NID2: variants seen among roughly 807,000 people sequenced by gnomAD.
NID2 encodes nidogen 2.
NID2 carries 83 observed loss-of-function variants against 145.4 expected under a neutral mutation model. That is an observed-to-expected ratio of 0.57 (90% CI 0.48 to 0.69). NID2 has a LOEUF of 0.69. Among genes scored for constraint, NID2 ranks in the 30% least tolerant of loss-of-function variants. NID2 has a pLI of 0.00. For missense variants in NID2, 1,807 were observed against 1,765.7 expected (o/e 1.02, Z -0.42); for synonymous variants, 739 against 701.3 (o/e 1.05, Z -0.85).
At position 52,038,661 on chromosome 14, in the gene NID2, G is replaced by A. The variant is rs113449048; in HGVS notation, c.2257+86C>T. Reference sequence around the variant, plus strand: ...TAGCACATAACACAGCATGGCACTAGGTAACCCTTAGTAACCTCTGTGAAT... The same window carrying A: ...TAGCACATAACACAGCATGGCACTAAGTAACCCTTAGTAACCTCTGTGAAT... On this transcript the variant is annotated intron_variant, in intron 9 of 21. Transcript: ENST00000216286. The A allele has an allele frequency of 2.0e-4, 211 of 1,073,514 alleles. 2 individuals carry two copies. In the African/African-American group the frequency reaches 2.7e-3, roughly 14 times the overall value. 66.5% of individuals were successfully genotyped at this position (1,073,514 alleles called of 1,614,324 possible). A position where few individuals can be genotyped will look rare whatever the true frequency, so the allele number is the denominator to read the frequency against.
At chr14:52,031,849 C>T (rs919745286) in intron 9 of NID2, among the ~76,000 whole-genome samples, 6 of 152,224 alleles carry the variant, frequency 3.9e-5, no homozygotes, top group Non-Finnish European at 7.3e-5. Context: ...GAGGACATGA[C>T]CCTGTTGTTC....
At chr14:52,029,457 A>C in intron 10 of NID2, 90 bp downstream of exon 10, 1 of 1,252,484 alleles carries the variant, frequency 8.0e-7, no homozygotes, top group Non-Finnish European at 1.1e-6. Context: ...TGTAAAGGTG[A>C]CAGATACTTG....
In NID2 at chr14:52,017,091, G is replaced by T. The variant is rs149554881; in HGVS notation, c.3029-1816C>A. 3.7e-4 allele frequency among the ~76,000 whole-genome samples: 56 copies of T among 152,226 alleles called. No homozygotes were observed. In the East Asian group the frequency reaches 9.6e-3, roughly 26 times the overall value. On this transcript the variant is annotated intron_variant, in intron 14 of 21. Transcript: ENST00000216286. ...AAATGCTACTTCCTCAAACACTGCA[G>T]GATTTCCTGGAGAAGTTCCCAATTC...
chr14:52,051,555 C>A (rs938244510), intron 5 of NID2, among the ~76,000 whole-genome samples: 20 of 152,182 alleles, frequency 1.3e-4, no homozygotes, highest in Admixed American at 1.1e-3. Flanking sequence ...TGTGTCTCTG[C>A]CACTCCCACC....
In NID2 at chr14:52,006,657, G is replaced by A. The variant is rs1890797122; in HGVS notation, c.3884C>T (p.Thr1295Ile). 2.5e-6 allele frequency: 4 copies of A among 1,613,066 alleles called. No individual in the cohort carries two copies. Among genetic ancestry groups the A allele is most frequent in the East Asian group, 2.2e-5 (1 of 44,874 alleles). Residue 1295 changes from threonine to isoleucine, a missense_variant, in exon 20 of 22, where the codon ACC becomes ATC. Thr to Ile is a moderately conservative substitution (Grantham distance 89, BLOSUM62 -1). Coordinates refer to ENST00000216286, the MANE Select transcript of NID2 (RefSeq NM_007361.4). ...SKLLCWADAG[T>I]KKLECTLPDG... ...AGGTAGTGTACACTCCAGTTTTTTGGTTCCTTTTAAAACAAAGGGGGAAAA... is the reference window on the plus strand; with the variant it reads ...AGGTAGTGTACACTCCAGTTTTTTGATTCCTTTTAAAACAAAGGGGGAAAA...
At position 52,040,832 on chromosome 14, in the gene NID2, G is replaced by A; in HGVS notation, c.1845C>T (p.Asp615=). 2 of 1,614,154 alleles carry A rather than the reference G, an allele frequency of 1.2e-6. No individual in the cohort carries two copies. The highest frequency in any genetic ancestry group is 1.7e-6 in the Non-Finnish European group (2 of 1,180,018). The change falls in exon 8 of 22, where the codon GAC becomes GAT. Residue 615 remains aspartate (D), a synonymous_variant. Coordinates refer to ENST00000216286, the MANE Select transcript of NID2 (RefSeq NM_007361.4). ...CTCCCGGGTAGAATGTAACTTCCAT[G>A]TCATGGGTAAAGGCAGCACCTGGAG... ...FSLAGAAFTH[D]MEVTFYPGEE...
chr14:52,014,784 C>T (rs962363193), intron 15 of NID2, among the ~76,000 whole-genome samples: 14 of 151,860 alleles, frequency 9.2e-5, no homozygotes, highest in African/African-American at 3.4e-4. Context: ...GACACGTGTC[C>T]CCTGTCACCC....
At chr14:52,015,319 G>A in intron 14 of NID2, 44 bp from the exon 15 acceptor site, 1 of 1,553,952 alleles carries the variant, frequency 6.4e-7, no homozygotes, top group Non-Finnish European at 8.8e-7. Flanking sequence ...CTTTGATTGT[G>A]AGTCAAGGAC....
chr14:52,008,054 CCT>C, intron 18 of NID2, 87 bp from the exon 19 acceptor site: 1 of 1,075,252 alleles, frequency 9.3e-7, no homozygotes, highest in Non-Finnish European at 1.4e-6. Context: ...ATCTCCATCT[CCT>C]CATGTATTAT....
chr14:52,010,700 C>G (rs1182063924), intron 18 of NID2, 176 bp downstream of exon 18: 1 of 590,330 alleles, frequency 1.7e-6, no homozygotes, highest in Non-Finnish European at 3.0e-6. Context: ...AAGAACAGAC[C>G]TTGTCTTTTC....
At chr14:52,055,219 C>T (rs1349772829) in intron 3 of NID2, among the ~76,000 whole-genome samples, 1 of 152,122 alleles carries the variant, frequency 6.6e-6, no homozygotes, top group Non-Finnish European at 1.5e-5. Flanking sequence ...CAATTGGATC[C>T]GAATTCAGTT....
chr14:52,013,041 A>G (rs1469180517), intron 16 of NID2, among the ~76,000 whole-genome samples: 2 of 152,250 alleles, frequency 1.3e-5, no homozygotes, highest in Non-Finnish European at 2.9e-5. Flanking sequence ...TTATTTGAAA[A>G]TTGAAAAGTC....
In NID2 at chr14:52,006,639, G is replaced by A. The variant is rs978348227; in HGVS notation, c.3902C>T (p.Thr1301Ile). 3 of 1,613,628 alleles carry A rather than the reference G, an allele frequency of 1.9e-6. No individual in the cohort carries two copies. In the South Asian group the frequency reaches 3.3e-5, roughly 18 times the overall value. Residue 1301 changes from threonine (T) to isoleucine (I), a missense_variant, in exon 20 of 22, where the codon ACA becomes ATA. Transcript: ENST00000216286. The stretch of plus-strand genomic sequence containing the variant: ...ACGCCGTCCAGTTCCATCAGGTAGT[G>A]TACACTCCAGTTTTTTGGTTCCTTT... ...ADAGTKKLEC[T>I]LPDGTGRRVI...
chr14:52,014,721 GA>G lies in NID2; in HGVS notation c.3251-266del, dbSNP rs371606776. 5.6e-5 allele frequency among the ~76,000 whole-genome samples: 8 copies of G among 143,290 alleles called. 1 individual carries two copies. The highest frequency in any genetic ancestry group is 1.5e-4 in the African/African-American group (6 of 39,118). The allele number at this position is 143,290 out of a possible 152,430, so 94.0% of individuals were successfully genotyped here. On this transcript the variant is annotated intron_variant, in intron 15 of 21. Transcript: ENST00000216286. ...AGCAGAACAGATTTTTTTTTCAAGA[GA>G]AAAAAAAAACAGAGCCAGCATTGTG...
chr14:52,067,044 G>T (rs1893241264), intron 2 of NID2, among the ~76,000 whole-genome samples: 1 of 152,156 alleles, frequency 6.6e-6, no homozygotes, highest in Non-Finnish European at 1.5e-5. Flanking sequence ...AAGTTATCAA[G>T]AACTTTATCA....
intron 2 of NID2, 55 bp downstream of exon 2, chr14:52,067,803 G>A: frequency 6.3e-7 from 1 of 1,593,520 alleles, no homozygotes; most frequent in Non-Finnish European, 8.6e-7. Flanking sequence ...CGCTGCCCCA[G>A]AATTTAAGCC....
chr14:52,025,491 A>G (rs1891559235), intron 12 of NID2, among the ~76,000 whole-genome samples: 1 of 152,200 alleles, frequency 6.6e-6, no homozygotes, highest in African/African-American at 2.4e-5. Flanking sequence ...GTATTAGTCA[A>G]TTTCCTGTTG....
chr14:52,059,219 C>T (rs1441422977), intron 3 of NID2, among the ~76,000 whole-genome samples: 1 of 152,194 alleles, frequency 6.6e-6, no homozygotes, highest in Non-Finnish European at 1.5e-5. Flanking sequence ...AGTAAGTTTT[C>T]AATAAATGTC....
chr14:52,060,339 T>G lies in NID2; in HGVS notation c.552A>C (p.Ala184=). Residue 184 remains alanine (A), a synonymous_variant, in exon 3 of 22, where the codon GCA becomes GCC. Coordinates refer to ENST00000216286, the MANE Select transcript of NID2 (RefSeq NM_007361.4). The part of the protein sequence containing the change: ...LPSGELNTFQ[A]VLASDGSDSY... ...TATCAGACCCATCAGATGCCAAAAC[T>G]GCCTGGAAAGTGTTCAGCTGTGAGG... is the stretch of plus-strand genomic sequence containing the variant. 2 of 1,523,272 alleles carry G rather than the reference T, an allele frequency of 1.3e-6. No individual in the cohort carries two copies. Among genetic ancestry groups the G allele is most frequent in the East Asian group, 2.4e-5 (1 of 42,258 alleles). 94.4% of individuals were successfully genotyped at this position (1,523,272 alleles called of 1,614,324 possible).
Sources: gnomAD v4.1 joint callset for allele counts (sites outside exome capture counted in the v4.1 genomes callset) on GRCh38, gnomAD v4.1.1 for gene constraint, MANE v1.5 for transcripts, NCBI Gene and HGNC (gene_info 2026-07-23, HGNC 2026-07-21) for gene names.